The following PCDH11X variants were observed in gnomAD, a reference collection of about 807,000 sequenced individuals.
PCDH11X encodes the protein protocadherin-11 X-linked.
Under a neutral mutation model 53.3 loss-of-function variants are expected in PCDH11X, and 18 were observed. That is an observed-to-expected ratio of 0.34 (90% CI 0.23 to 0.50). The LOEUF (loss-of-function observed/expected upper bound fraction) is 0.50. PCDH11X is among the 20% of genes least tolerant of loss of function. The probability of loss-of-function intolerance (pLI) is 0.98; values close to 1 mark genes in which losing one functional copy is unlikely to be tolerated. For synonymous variants in PCDH11X, 279 were observed against 393.3 expected (o/e 0.71, Z 3.44); for missense variants, 570 against 1,032.4 (o/e 0.55, Z 6.14).
chrX:92,398,918 C>T (rs2071312749), intron 9 of PCDH11X, among the ~76,000 whole-genome samples: 1 of 110,742 alleles, frequency 9.0e-6, no homozygotes, highest in Admixed American at 9.7e-5. Flanking sequence ...TTTAGCCGGG[C>T]GTGGTGGCTC....
At chrX:92,215,654 C>A (rs1316066214) in intron 7 of PCDH11X, among the ~76,000 whole-genome samples, 1 of 93,268 alleles carries the variant, frequency 1.1e-5, no homozygotes, top group Non-Finnish European at 2.2e-5. Context: ...ACAGCAGTAA[C>A]CTCTGCAGAC....
intron 6 of PCDH11X, among the ~76,000 whole-genome samples, chrX:92,152,333 T>G (rs1181324208): frequency 9.6e-6 from 1 of 104,639 alleles, no homozygotes; most frequent in African/African-American, 3.5e-5. Context: ...ATTAGTCAGA[T>G]AGTCCAGTCA....
chrX:92,348,542 A>C (rs867181672), intron 8 of PCDH11X, among the ~76,000 whole-genome samples: 2 of 93,029 alleles, frequency 2.1e-5, no homozygotes, highest in African/African-American at 8.5e-5. Flanking sequence ...TATTATTATT[A>C]TTATTATTTT....
intron 8 of PCDH11X, among the ~76,000 whole-genome samples, chrX:92,311,163 TA>T (rs1265746231): frequency 9.1e-6 from 1 of 110,376 alleles, no homozygotes; most frequent in Non-Finnish European, 1.9e-5. Flanking sequence ...CGATGATTTA[TA>T]AAGTAGGAAA....
intron 10 of PCDH11X, among the ~76,000 whole-genome samples, chrX:92,568,609 T>A (rs1363606127): frequency 3.6e-5 from 4 of 109,962 alleles, no homozygotes; most frequent in Non-Finnish European, 5.7e-5. Context: ...GAGTAATATA[T>A]TGATACTTAA....
chrX:92,253,300 T>C (rs2148400875), intron 7 of PCDH11X, among the ~76,000 whole-genome samples: 1 of 112,059 alleles, frequency 8.9e-6, no homozygotes, highest in Non-Finnish European at 1.9e-5. Flanking sequence ...CATTGGCTTA[T>C]GTGTCTGTTT....
intron 7 of PCDH11X, among the ~76,000 whole-genome samples, chrX:92,261,702 T>C (rs2067719058): frequency 8.9e-6 from 1 of 112,411 alleles, no homozygotes; most frequent in Non-Finnish European, 1.9e-5. Context: ...TTCTTAGATA[T>C]GGCTAAAGTT....
rs186646745 is a variant in PCDH11X, at chrX:92,301,116, A to G, written c.3144+37973A>G. Reference sequence around the variant, plus strand: ...GGAGGCTGCAGTGGGGAGAGGGTGCAGTTGGGCTGGTGCCAGTAGGCCAGG... The same window carrying G: ...GGAGGCTGCAGTGGGGAGAGGGTGCGGTTGGGCTGGTGCCAGTAGGCCAGG... On this transcript the variant is annotated intron_variant, in intron 8 of 10. Coordinates refer to ENST00000682573, the MANE Select transcript of PCDH11X (RefSeq NM_032968.5). 6.3e-3 allele frequency among the ~76,000 whole-genome samples: 696 copies of G among 111,209 alleles called. 3 individuals are homozygous for G. The highest frequency in any genetic ancestry group is 0.021 in the African/African-American group (658 of 30,613).
chrX:92,437,701 C>A (rs759290072), intron 9 of PCDH11X, among the ~76,000 whole-genome samples: 116 of 110,586 alleles, frequency 1.0e-3, no homozygotes, highest in African/African-American at 3.8e-3. Context: ...AGAAGTCCTG[C>A]AACAGGTGCA....
Position 91,851,727 on chromosome X carries a change from G to A in PCDH11X, c.540+15683G>A, listed in dbSNP as rs111461429. ...AGTTCTGTAGTCAGGTGGTCTGATC[G>A]TTAGACTAATTGGATTTACATAAAC... On this transcript the variant is annotated intron_variant, in intron 5 of 10. Coordinates refer to ENST00000682573, the MANE Select transcript of PCDH11X (RefSeq NM_032968.5). Among the ~76,000 whole-genome samples the A allele has an allele frequency of 6.9e-3, 772 of 111,845 alleles. 8 individuals carry two copies. Among genetic ancestry groups the A allele is most frequent in the South Asian group, 0.05 (135 of 2,694 alleles).
chrX:91,885,549 ATTTGCATTTTT>A (rs1194662209), intron 6 of PCDH11X, among the ~76,000 whole-genome samples: 1 of 108,867 alleles, frequency 9.2e-6, no homozygotes, highest in African/African-American at 3.3e-5. Context: ...ATAAAAATGC[ATTTGCATTTTT>A]ATTGCTTGTG....
chrX:92,238,244 C>A (rs1388590030), intron 7 of PCDH11X, among the ~76,000 whole-genome samples: 1 of 111,325 alleles, frequency 9.0e-6, no homozygotes, highest in Non-Finnish European at 1.9e-5. Flanking sequence ...AAATGAAGGT[C>A]AGTAATTATA....
In PCDH11X at chrX:92,487,048, C is replaced by CTTTTTTTTT. The variant is rs758641899; in HGVS notation, c.3367+18740_3367+18748dup. Among the ~76,000 whole-genome samples the CTTTTTTTTT allele has an allele frequency of 1.1e-3, 76 of 67,817 alleles. 7 individuals carry two copies. Among genetic ancestry groups the CTTTTTTTTT allele is most frequent in the East Asian group, 9.3e-3 (16 of 1,719 alleles). 58.9% of individuals were successfully genotyped at this position (67,817 alleles called of 115,157 possible). A position where few individuals can be genotyped will look rare whatever the true frequency, so the allele number is the denominator to read the frequency against. On this transcript the variant is annotated intron_variant, in intron 10 of 10. Transcript: ENST00000682573. ...TTATTATCTCTGAGAAATATGCTTC[C>CTTTTTTTTT]TTTTTTTTTTTTTTTTTTTTTTGAG... is the stretch of plus-strand genomic sequence containing the variant.
intron 9 of PCDH11X, among the ~76,000 whole-genome samples, chrX:92,464,514 C>A (rs886400594): frequency 4.5e-5 from 5 of 110,910 alleles, no homozygotes; most frequent in African/African-American, 6.6e-5. Flanking sequence ...TTTCATGGGG[C>A]CTTTCCAGCT....
chrX:91,794,190 A>T (rs1472478475), intron 1 of PCDH11X, among the ~76,000 whole-genome samples: 1 of 112,386 alleles, frequency 8.9e-6, no homozygotes, highest in African/African-American at 3.2e-5. Context: ...AAGCCTTTAC[A>T]TATAACCATT....
intron 4 of PCDH11X, among the ~76,000 whole-genome samples, chrX:91,820,639 G>C (rs942558919): frequency 2.0e-4 from 20 of 102,161 alleles, no homozygotes; most frequent in Non-Finnish European, 3.3e-4. Flanking sequence ...TCACTCTGAT[G>C]GTAGTTTCTT....
chrX:92,021,840 G>A (rs1025642247), intron 6 of PCDH11X, among the ~76,000 whole-genome samples: 1 of 109,245 alleles, frequency 9.2e-6, no homozygotes, highest in African/African-American at 3.3e-5. Flanking sequence ...AACCCTACAG[G>A]CCAGAAGAGA....
intron 6 of PCDH11X, among the ~76,000 whole-genome samples, chrX:92,134,466 G>A (rs1287066294): frequency 1.8e-5 from 2 of 110,207 alleles, no homozygotes; most frequent in Admixed American, 9.8e-5. Flanking sequence ...TTGACAATAC[G>A]TTTTACAAAA....
intron 9 of PCDH11X, among the ~76,000 whole-genome samples, chrX:92,409,694 T>G (rs929629670): frequency 1.8e-5 from 2 of 112,322 alleles, no homozygotes; most frequent in African/African-American, 6.4e-5. Context: ...TATTGAATCA[T>G]GCTTTTGACT....
Sources: allele counts gnomAD v4.1 joint callset (sites outside exome capture counted in the v4.1 genomes callset), GRCh38; gene constraint gnomAD v4.1.1; transcripts MANE v1.5; gene names NCBI Gene and HGNC (gene_info 2026-07-23, HGNC 2026-07-21).